RUFY3: variants seen among roughly 807,000 people sequenced by gnomAD.
RUFY3 encodes RUN and FYVE domain containing 3.
Under a neutral mutation model 84.0 loss-of-function variants are expected in RUFY3, and 34 were observed. The observed-to-expected ratio is 0.40, with a 90% confidence interval of 0.31 to 0.54. RUFY3 has a LOEUF of 0.54. RUFY3 is among the 20% of genes least tolerant of loss of function. RUFY3 has a pLI of 0.39. For synonymous variants in RUFY3, 242 were observed against 252.9 expected (o/e 0.96, Z 0.41); for missense variants, 507 against 736.8 (o/e 0.69, Z 3.61).
In RUFY3 at chr4:70,724,987, T is replaced by C. The variant is rs1717983895; in HGVS notation, c.178+2236T>C. On this transcript the variant is annotated intron_variant, in intron 1 of 17. Coordinates refer to ENST00000381006, the MANE Select transcript of RUFY3 (RefSeq NM_001037442.4). Reference sequence around the variant, plus strand: ...TGTCTGGACGCGGGAGTATTCAGACTGCTTTCCGGGCTGATTCACAGAGGG... The same window carrying C: ...TGTCTGGACGCGGGAGTATTCAGACCGCTTTCCGGGCTGATTCACAGAGGG... Among the ~76,000 whole-genome samples, 2 of 152,206 alleles carry C rather than the reference T, an allele frequency of 1.3e-5. 1 individual carries two copies. The highest frequency in any genetic ancestry group is 4.1e-4 in the South Asian group (2 of 4,830).
chr4:70,763,747 A>G lies in RUFY3; in HGVS notation c.470+78A>G. On this transcript the variant is annotated intron_variant, in intron 3 of 17. Coordinates refer to ENST00000381006, the MANE Select transcript of RUFY3 (RefSeq NM_001037442.4). ...CCCTTGAAGAGCAAGACTAAAGACA[A>G]TTATGTACGAATAATTTATTTTATA... is the stretch of plus-strand genomic sequence containing the variant. 3.3e-6 allele frequency: 5 copies of G among 1,503,560 alleles called. No homozygotes were observed. In the South Asian group the frequency reaches 5.2e-5, roughly 16 times the overall value. The allele number at this position is 1,503,560 out of a possible 1,614,324, so 93.1% of individuals were successfully genotyped here.
At chr4:70,726,657 C>G (rs1362858929) in intron 1 of RUFY3, among the ~76,000 whole-genome samples, 1 of 152,256 alleles carries the variant, frequency 6.6e-6, no homozygotes, top group Non-Finnish European at 1.5e-5. Context: ...CAGGCGTGAG[C>G]CACCGTGCCC....
intron 1 of RUFY3, among the ~76,000 whole-genome samples, chr4:70,730,953 T>C (rs1383241211): frequency 6.6e-6 from 1 of 152,144 alleles, no homozygotes; most frequent in African/African-American, 2.4e-5. Context: ...TTATACACAA[T>C]TGAACACAGC....
At chr4:70,744,705 A>G (rs1211335802) in intron 1 of RUFY3, among the ~76,000 whole-genome samples, 1 of 142,502 alleles carries the variant, frequency 7.0e-6, no homozygotes, top group Non-Finnish European at 1.5e-5. Context: ...CCCAGGCTGG[A>G]GTGCAATGCT....
At chr4:70,704,710 G>C (rs1389117640), upstream of RUFY3, 2 of 308,068 alleles carry the variant, frequency 6.5e-6, no homozygotes, top group African/African-American at 4.4e-5. Context: ...CGGTAGCGAG[G>C]CCGCGCCGTC....
At chr4:70,740,030 GT>G (rs1479385789) in intron 1 of RUFY3, among the ~76,000 whole-genome samples, 1 of 150,090 alleles carries the variant, frequency 6.7e-6, no homozygotes, top group Non-Finnish European at 1.5e-5. Flanking sequence ...CCATAGACCT[GT>G]TTCAGGTCTA....
chr4:70,798,204 C>CA (rs1477118484), intron 14 of RUFY3, among the ~76,000 whole-genome samples: 7 of 151,782 alleles, frequency 4.6e-5, no homozygotes, highest in Admixed American at 1.3e-4. Flanking sequence ...CTCATCTCTA[C>CA]AAAAAAATTT....
intron 12 of RUFY3, chr4:70,792,150 C>T: frequency 1.0e-6 from 1 of 985,120 alleles, no homozygotes. Flanking sequence ...ATGCAGTACC[C>T]ATTTTTCGTA....
In RUFY3 at chr4:70,794,912, C is replaced by G; in HGVS notation, c.1557+18C>G. ...CCAAGATGGTAATATTTGCTATTCC[C>G]TTGTTCTTTTACTTAATTTCAGTTT... On this transcript the variant is annotated intron_variant, in intron 14 of 17. Transcript: ENST00000381006. 6.7e-7 allele frequency: 1 copy of G among 1,489,526 alleles called. No individual in the cohort carries two copies. Among genetic ancestry groups the G allele is most frequent in the East Asian group, 2.3e-5 (1 of 44,184 alleles). The allele number at this position is 1,489,526 out of a possible 1,614,324, so 92.3% of individuals were successfully genotyped here.
At chr4:70,782,430 A>G (rs1729080981) in intron 8 of RUFY3, among the ~76,000 whole-genome samples, 1 of 151,278 alleles carries the variant, frequency 6.6e-6, no homozygotes, top group South Asian at 2.1e-4. Context: ...GATTACAGGC[A>G]CACACCACTA....
intron 17 of RUFY3, among the ~76,000 whole-genome samples, chr4:70,805,493 TA>T (rs1368343606): frequency 1.1e-4 from 16 of 152,190 alleles, no homozygotes; most frequent in African/African-American, 3.6e-4. Flanking sequence ...TTGGAAGAGA[TA>T]CAGGAAACAG....
intron 17 of RUFY3, among the ~76,000 whole-genome samples, chr4:70,804,791 C>T (rs76570248): frequency 0.041 from 6,045 of 147,868 alleles, 276 homozygotes; most frequent in East Asian, 0.2. Flanking sequence ...AATAGCCGGG[C>T]GTGGTGGCCT....
chr4:70,742,055 T>C (rs1160065092), intron 1 of RUFY3, among the ~76,000 whole-genome samples: 1 of 152,236 alleles, frequency 6.6e-6, no homozygotes, highest in African/African-American at 2.4e-5. Flanking sequence ...ATCTAGTGGT[T>C]GGCCTGGAAT....
At chr4:70,774,310 GTAA>G (rs771965207) in intron 6 of RUFY3, among the ~76,000 whole-genome samples, 44 of 151,820 alleles carry the variant, frequency 2.9e-4, no homozygotes, top group South Asian at 1.2e-3. Context: ...AATTTTTCAT[GTAA>G]TAATAAACAT....
At chr4:70,738,608 C>G (rs1490988129) in intron 1 of RUFY3, among the ~76,000 whole-genome samples, 1 of 145,356 alleles carries the variant, frequency 6.9e-6, no homozygotes, top group South Asian at 2.2e-4. Flanking sequence ...ATGATCTGCC[C>G]GCCTCGGCCT....
chr4:70,804,014 C>T (rs1024373069), intron 16 of RUFY3, among the ~76,000 whole-genome samples: 4 of 152,020 alleles, frequency 2.6e-5, no homozygotes, highest in African/African-American at 2.4e-5. Context: ...GCATTACAGG[C>T]GTGAGCCACC....
intron 1 of RUFY3, among the ~76,000 whole-genome samples, chr4:70,733,095 G>A (rs1403040404): frequency 8.1e-5 from 5 of 61,706 alleles, no homozygotes; most frequent in African/African-American, 1.7e-4. Context: ...GAGAGAGAGA[G>A]GAGAGAGAGA....
chr4:70,722,065 AT>A lies in RUFY3; in HGVS notation c.-506del, dbSNP rs1488514238. On this transcript the variant is annotated 5_prime_UTR_variant, in exon 1 of 18. It removes the in-frame stop codon of an upstream open reading frame in the 5' UTR. Coordinates refer to ENST00000381006, the MANE Select transcript of RUFY3 (RefSeq NM_001037442.4). ...CTCATCTGAGCAGATCCTGGAAGTG[AT>A]TTCTGCAGCTCAGGATTTTTTTTTT... is the stretch of plus-strand genomic sequence containing the variant. 4 of 1,231,958 alleles carry A rather than the reference AT, an allele frequency of 3.2e-6. No homozygotes were observed. Among genetic ancestry groups the A allele is most frequent in the Non-Finnish European group, 3.0e-6 (3 of 987,978 alleles). 76.3% of individuals were successfully genotyped at this position (1,231,958 alleles called of 1,614,324 possible).
intron 4 of RUFY3, among the ~76,000 whole-genome samples, chr4:70,765,758 C>CT (rs371482787): frequency 0.11 from 15,006 of 139,814 alleles, 914 homozygotes; most frequent in Middle Eastern, 0.18. Context: ...TTGTTAATAT[C>CT]TTTTTTTTTT....
Sources: gnomAD v4.1 joint callset for allele counts (sites outside exome capture counted in the v4.1 genomes callset) on GRCh38, gnomAD v4.1.1 for gene constraint, MANE v1.5 for transcripts, NCBI Gene and HGNC (gene_info 2026-07-23, HGNC 2026-07-21) for gene names.